The following ATG2B variants were observed in gnomAD, a reference collection of about 807,000 sequenced individuals.
ATG2B encodes the protein autophagy related 2B.
ATG2B carries 121 observed loss-of-function variants against 241.3 expected under a neutral mutation model. That is an observed-to-expected ratio of 0.50 (90% CI 0.43 to 0.58). ATG2B has a LOEUF of 0.58. Among genes scored for constraint, ATG2B ranks in the 20% least tolerant of loss-of-function variants. The pLI is 0.00. For missense variants in ATG2B, 2,306 were observed against 2,491.6 expected, an observed-to-expected ratio of 0.93 and a Z score of 1.59; for synonymous variants, 858 against 876.6, an observed-to-expected ratio of 0.98 and a Z score of 0.37.
At chr14:96,322,014 TA>T (rs1887471211) in intron 18 of ATG2B, 97 bp downstream of exon 18, 2 of 866,608 alleles carry the variant, frequency 2.3e-6, no homozygotes, top group Non-Finnish European at 3.5e-6. Context: ...AGATGGCATA[TA>T]ATATTCAGGC....
intron 34 of ATG2B, 89 bp downstream of exon 34, chr14:96,301,918 T>C: frequency 9.5e-7 from 1 of 1,055,278 alleles, no homozygotes; most frequent in Admixed American, 2.3e-5. Context: ...GCCATAAAAG[T>C]TCAATAATGA....
rs1222847328 is a variant in ATG2B at position 96,325,746 on chromosome 14, A to C, written c.2340T>G (p.Leu780=). 4.3e-6 allele frequency: 7 copies of C among 1,613,876 alleles called. No homozygotes were observed. Among genetic ancestry groups the C allele is most frequent in the African/African-American group, 1.3e-5 (1 of 74,912 alleles). ...WFKKSLQKEI[L]YLAFTDLEFK... is the part of the protein sequence containing the mutation. ...ATTCTAGATCTGTGAAGGCTAAATA[A>C]AGGATCTCCTTCTGAAGTGACTTCT... Residue 780 remains leucine (L), a synonymous_variant, in exon 15 of 42, where the codon CTT becomes CTG. Transcript: ENST00000359933.
chr14:96,313,778 C>A (rs193243900), intron 23 of ATG2B, among the ~76,000 whole-genome samples: 4 of 152,134 alleles, frequency 2.6e-5, no homozygotes, highest in African/African-American at 9.7e-5. Context: ...TATCCAACAA[C>A]TCCAATGCTA....
chr14:96,353,568 G>C (rs1437486340), intron 1 of ATG2B, among the ~76,000 whole-genome samples: 1 of 152,026 alleles, frequency 6.6e-6, no homozygotes, highest in African/African-American at 2.4e-5. Context: ...TGAGGTTGCA[G>C]AGAGCCGAGA....
chr14:96,300,432 G>A (rs1251981195), intron 34 of ATG2B, among the ~76,000 whole-genome samples: 2 of 152,140 alleles, frequency 1.3e-5, no homozygotes, highest in African/African-American at 4.8e-5. Flanking sequence ...AGTCTGAGGC[G>A]GGAGGATAGT....
chr14:96,299,304 C>T (rs547582729), intron 34 of ATG2B, among the ~76,000 whole-genome samples: 1 of 152,200 alleles, frequency 6.6e-6, no homozygotes, highest in Non-Finnish European at 1.5e-5. Flanking sequence ...ATCCCTCACC[C>T]TTCCAAACTC....
chr14:96,363,036 G>C lies in ATG2B; in HGVS notation c.-60C>G. On this transcript the variant is annotated 5_prime_UTR_variant, in exon 1 of 42. Coordinates refer to ENST00000359933, the MANE Select transcript of ATG2B (RefSeq NM_018036.7). ...GGGTTGCGACGGCTCCGGCCTCGGGGTAGCGACTCCGGCTCCAGGCCGCGG... is the reference window on the plus strand; with the variant it reads ...GGGTTGCGACGGCTCCGGCCTCGGGCTAGCGACTCCGGCTCCAGGCCGCGG... 1.3e-6 allele frequency: 2 copies of C among 1,599,326 alleles called. No homozygotes were observed. The highest frequency in any genetic ancestry group is 8.5e-7 in the Non-Finnish European group (1 of 1,170,946).
At chr14:96,340,833 G>T (rs926059087) in intron 6 of ATG2B, among the ~76,000 whole-genome samples, 2 of 150,752 alleles carry the variant, frequency 1.3e-5, no homozygotes, top group African/African-American at 4.9e-5. Flanking sequence ...CGGGAGGGTT[G>T]CTTGAGCCCA....
In ATG2B at chr14:96,313,334, A is replaced by G; in HGVS notation, c.3744T>C (p.Asp1248=). 2 of 1,575,718 alleles carry G rather than the reference A, an allele frequency of 1.3e-6. No homozygotes were observed. The highest frequency in any genetic ancestry group is 2.2e-5 in the East Asian group (1 of 44,588). ...TGTTCCATTTGTGAACTTACCTATA[A>G]TCAAGTGCACAGCTCCAAAGATGAA... ...FHVHLWSCAL[D]YRPLYLPIRS... is the part of the protein sequence containing the mutation. Residue 1248 remains aspartate (D), a synonymous_variant, in exon 24 of 42, where the codon GAT becomes GAC. Coordinates refer to ENST00000359933, the MANE Select transcript of ATG2B (RefSeq NM_018036.7).
At chr14:96,311,643 T>C in intron 26 of ATG2B, 25 bp from the exon 27 acceptor site, 1 of 1,496,798 alleles carries the variant, frequency 6.7e-7, no homozygotes, top group Non-Finnish European at 9.3e-7. Flanking sequence ...ATTAAGAAAA[T>C]CTCTTCAGTA....
intron 20 of ATG2B, among the ~76,000 whole-genome samples, chr14:96,316,929 C>T (rs1024590359): frequency 1.3e-5 from 2 of 152,150 alleles, no homozygotes; most frequent in African/African-American, 4.8e-5. Context: ...GAATTAGCAC[C>T]TGTTTTCCAA....
intron 1 of ATG2B, among the ~76,000 whole-genome samples, chr14:96,354,889 T>TA (rs1382315944): frequency 3.9e-5 from 6 of 152,250 alleles, no homozygotes; most frequent in Admixed American, 2.0e-4. Context: ...ATTTCTCTAA[T>TA]GACAGTGATG....
At chr14:96,304,451 C>A in intron 32 of ATG2B, 44 bp downstream of exon 32, 2 of 1,466,244 alleles carry the variant, frequency 1.4e-6, no homozygotes, top group South Asian at 1.1e-5. Context: ...AACCCCCCGC[C>A]AATATCCTAC....
At chr14:96,319,713 T>A (rs766487544) in intron 18 of ATG2B, among the ~76,000 whole-genome samples, 1 of 152,242 alleles carries the variant, frequency 6.6e-6, no homozygotes, top group Non-Finnish European at 1.5e-5. Flanking sequence ...TAATGTAGAA[T>A]GTCCTTGTAT....
chr14:96,285,835 C>A lies in ATG2B; in HGVS notation c.6157G>T (p.Val2053Leu). 1 of 1,614,128 alleles carries A rather than the reference C, an allele frequency of 6.2e-7. No homozygotes were observed. The highest frequency in any genetic ancestry group is 8.5e-7 in the Non-Finnish European group (1 of 1,180,028). Residue 2053 changes from valine (V) to leucine (L), a missense_variant, in exon 42 of 42, where the codon GTG becomes TTG. By Grantham distance (32) the Val-to-Leu change is conservative. Coordinates refer to ENST00000359933, the MANE Select transcript of ATG2B (RefSeq NM_018036.7). The surrounding 1 kb of genome is among the most constrained non-coding windows in gnomAD (Gnocchi z 4.2). ...LIVATEATSN[V>L]LGGMRNQIRP... ...ATTTGGTTTCTCATGCCACCCAGCA[C>A]GTTTGACGTTGCTTCTGTGGCAACA...
In ATG2B at chr14:96,313,362, T is replaced by C. The variant is rs1595305821; in HGVS notation, c.3716A>G (p.His1239Arg). The C allele has an allele frequency of 6.3e-7, 1 of 1,597,494 alleles. No individual in the cohort carries two copies. The highest frequency in any genetic ancestry group is 1.2e-5 in the South Asian group (1 of 86,706). ...AAGTGCACAGCTCCAAAGATGAACATGAAAAGTTGTAAATGAAGTTGGAGG... is the reference window on the plus strand; with the variant it reads ...AAGTGCACAGCTCCAAAGATGAACACGAAAAGTTGTAAATGAAGTTGGAGG... ...YNPPTSFTTF[H>R]VHLWSCALDY... is the part of the protein sequence containing the mutation. Residue 1239 changes from histidine (H) to arginine (R), a missense_variant, in exon 24 of 42, where the codon CAT (histidine) becomes CGT (arginine). By Grantham distance (29) the His-to-Arg change is conservative. Coordinates refer to ENST00000359933, the MANE Select transcript of ATG2B (RefSeq NM_018036.7).
At chr14:96,362,541 C>A (rs1358725304) in intron 1 of ATG2B, among the ~76,000 whole-genome samples, 1 of 152,190 alleles carries the variant, frequency 6.6e-6, no homozygotes, top group African/African-American at 2.4e-5. Context: ...ACCTATTGAG[C>A]CTGCTTCACA....
chr14:96,290,171 A>G lies in ATG2B; in HGVS notation c.5856+265T>C. 7.9e-6 allele frequency: 10 copies of G among 1,273,608 alleles called. No homozygotes were observed. Among genetic ancestry groups the G allele is most frequent in the African/African-American group, 1.5e-5 (1 of 66,554 alleles). 78.9% of individuals were successfully genotyped at this position (1,273,608 alleles called of 1,614,324 possible). A position where few individuals can be genotyped will look rare whatever the true frequency, so the allele number is the denominator to read the frequency against. On this transcript the variant is annotated intron_variant, in intron 40 of 41. Transcript: ENST00000359933. The surrounding 1 kb of genome is among the most constrained non-coding windows in gnomAD (Gnocchi z 4.4). ...TTAGCTACGATCCTTTCATACAAAT[A>G]TGGTGAAATCAATCCTCTGCTAACT... is the stretch of plus-strand genomic sequence containing the variant.
chr14:96,326,230 G>A (rs1483841735), intron 14 of ATG2B, among the ~76,000 whole-genome samples: 2 of 152,158 alleles, frequency 1.3e-5, no homozygotes, highest in Admixed American at 1.3e-4. Context: ...AATTTATAAA[G>A]AATACGGTGT....
Sources: gnomAD v4.1 joint callset for allele counts (sites outside exome capture counted in the v4.1 genomes callset) on GRCh38, gnomAD v4.1.1 for gene constraint, Gnocchi (gnomAD v3.1) non-coding constraint, MANE v1.5 for transcripts, NCBI Gene and HGNC (gene_info 2026-07-23, HGNC 2026-07-21) for gene names.